The following SMTN variants were observed in gnomAD, a reference collection of about 807,000 sequenced individuals.
The protein encoded by SMTN is smoothelin.
Under a neutral mutation model 102.0 loss-of-function variants are expected in SMTN, and 58 were observed. That is an observed-to-expected ratio of 0.57 (90% CI 0.46 to 0.71). The LOEUF is 0.71. SMTN is among the 30% of genes least tolerant of loss of function. The probability of loss-of-function intolerance (pLI) is 0.00; values close to 1 mark genes in which losing one functional copy is unlikely to be tolerated. For missense variants in SMTN, 1,185 were observed against 1,241.7 expected (o/e 0.95, Z 0.69); for synonymous variants, 478 against 497.9 (o/e 0.96, Z 0.53).
chr22:31,093,821 C>G, intron 11 of SMTN: 1 of 1,592,552 alleles, frequency 6.3e-7, no homozygotes, highest in African/African-American at 1.3e-5. Flanking sequence ...GCCCACCCAC[C>G]TGCCTTCAGC....
rs2043471660 is a variant in SMTN, at chr22:31,095,154, T to C, written c.1633-149T>C. Reference sequence around the variant, plus strand: ...GCCTCTTCCCTGACTGACGCTGACATGGCCATCTTTGGGCAGGCAGGCTGG... The same window carrying C: ...GCCTCTTCCCTGACTGACGCTGACACGGCCATCTTTGGGCAGGCAGGCTGG... On this transcript the variant is annotated intron_variant, in intron 11 of 20. Transcript: ENST00000333137. The surrounding 1 kb of genome is among the most constrained non-coding windows in gnomAD (Gnocchi z 4.1). The C allele has an allele frequency of 1.3e-6, 1 of 745,882 alleles. No individual in the cohort carries two copies. The highest frequency in any genetic ancestry group is 2.2e-6 in the Non-Finnish European group (1 of 460,112). The allele number at this position is 745,882 out of a possible 1,614,324, so 46.2% of individuals were successfully genotyped here. A position where few individuals can be genotyped will look rare whatever the true frequency, so the allele number is the denominator to read the frequency against.
chr22:31,076,622 C>T (rs2042136308), upstream of SMTN, among the ~76,000 whole-genome samples: 1 of 152,188 alleles, frequency 6.6e-6, no homozygotes, highest in Admixed American at 6.6e-5. Flanking sequence ...GTGCCAGGCC[C>T]TGAGGAGGAA....
Position 31,090,991 on chromosome 22 carries a change from C to A in SMTN, c.968C>A (p.Ser323Ter). The change falls in exon 10 of 21, where the codon TCA becomes TAA. Residue 323 changes from serine (S) to a stop codon, truncating the protein, a stop_gained. Coordinates refer to ENST00000333137, the MANE Select transcript of SMTN (RefSeq NM_134269.3). LOFTEE classifies it high-confidence loss of function. ...ACCCCCCTTGCCAGCGGACCTTCCT[C>A]ATTCCAGCGGGCTGGCTCTGTGCGG... Reference protein sequence around the residue: ...ESTPLASGPSSFQRAGSVRDR... With the variant: ...ESTPLASGPS 1 of 1,613,718 alleles carries A rather than the reference C, an allele frequency of 6.2e-7. No individual in the cohort carries two copies. Among genetic ancestry groups the A allele is most frequent in the Non-Finnish European group, 8.5e-7 (1 of 1,179,764 alleles).
rs1214265838 is a variant in SMTN, at chr22:31,096,668, T to C, written c.1862-65T>C. The C allele has an allele frequency of 5.5e-6, 8 of 1,466,668 alleles. No individual in the cohort carries two copies. The East Asian group carries it at 1.9e-4, about 34-fold the overall frequency. 90.9% of individuals were successfully genotyped at this position (1,466,668 alleles called of 1,614,324 possible). On this transcript the variant is annotated intron_variant, in intron 13 of 20. Transcript: ENST00000333137. ...CCCCGTCTTGTGTGCCCCATGCACC[T>C]GTGCATCTGTGCTGTGTGGGTGTTG... is the stretch of plus-strand genomic sequence containing the variant.
At chr22:31,099,978 C>T (rs934509145) in intron 19 of SMTN, 82 bp downstream of exon 19, 4 of 1,428,084 alleles carry the variant, frequency 2.8e-6, no homozygotes, top group Non-Finnish European at 3.8e-6. Flanking sequence ...CCCTGAGAAC[C>T]CCTGGAGCGG....
chr22:31,089,949 C>A lies in SMTN; in HGVS notation c.722C>A (p.Pro241His). The A allele has an allele frequency of 6.3e-7, 1 of 1,599,880 alleles. No homozygotes were observed. Among genetic ancestry groups the A allele is most frequent in the Non-Finnish European group, 8.5e-7 (1 of 1,173,122 alleles). The change falls in exon 7 of 21, where the codon CCC becomes CAC. Residue 241 changes from proline (P) to histidine (H), a missense_variant. Transcript: ENST00000333137. The part of the protein sequence containing the change: ...PGSPEPPPSP[P>H]KTTSPEPQES... Reference sequence around the variant, plus strand: ...AGCCCAGAGCCACCCCCCAGCCCACCCAAGACCACCAGCCCTGAGCCTCAG... The same window carrying A: ...AGCCCAGAGCCACCCCCCAGCCCACACAAGACCACCAGCCCTGAGCCTCAG...
Position 31,089,514 on chromosome 22 carries a change from T to C in SMTN, c.472-185T>C, listed in dbSNP as rs1254395011. The C allele has an allele frequency of 2.3e-5, 14 of 612,824 alleles. No homozygotes were observed. In the East Asian group the frequency reaches 3.5e-4, roughly 16 times the overall value. The allele number at this position is 612,824 out of a possible 1,614,324, so 38.0% of individuals were successfully genotyped here. On this transcript the variant is annotated intron_variant, in intron 6 of 20. Transcript: ENST00000333137. ...TAGGTAGTGCCAAGAGATTGGGAAG[T>C]GGGGATCAGAGACTGCCCTTAGCAT...
intron 9 of SMTN, 30 bp from the exon 10 acceptor site, chr22:31,090,931 A>G: frequency 6.2e-7 from 1 of 1,612,538 alleles, no homozygotes; most frequent in Non-Finnish European, 8.5e-7. Flanking sequence ...TGTCCCACCC[A>G]GTTGCTGACA....
chr22:31,090,337 C>T (rs1481918161), intron 8 of SMTN, among the ~76,000 whole-genome samples, 157 bp downstream of exon 8: 1 of 151,992 alleles, frequency 6.6e-6, no homozygotes, highest in Admixed American at 6.5e-5. Flanking sequence ...GTGTCCCCGC[C>T]CCCAGCTAGG....
At chr22:31,089,642 T>G (rs1347305432) in intron 6 of SMTN, 57 bp from the exon 7 acceptor site, 2 of 1,503,682 alleles carry the variant, frequency 1.3e-6, no homozygotes, top group East Asian at 4.5e-5. Context: ...CCCTCAGTGG[T>G]GGGGGTGGCG....
upstream of SMTN, among the ~76,000 whole-genome samples, chr22:31,077,145 C>T (rs1413927210): frequency 3.3e-5 from 5 of 152,158 alleles, no homozygotes; most frequent in East Asian, 1.9e-4. Flanking sequence ...CAGTGGCTCA[C>T]GCCTGTAATC....
chr22:31,085,512 CAG>C (rs957862371), intron 2 of SMTN, among the ~76,000 whole-genome samples: 2 of 152,214 alleles, frequency 1.3e-5, no homozygotes, highest in Non-Finnish European at 2.9e-5. Context: ...ACAGCGAGGG[CAG>C]AGAGTACACG....
chr22:31,088,563 G>A lies in SMTN; in HGVS notation c.251G>A (p.Gly84Glu). The part of the protein sequence containing the change: ...EQRAALARLA[G>E]QLESMNDVEE... ...CGGGCTGCCCTGGCACGGCTGGCAG[G>A]GCAGCTGGAGTCCATGAACGATGTG... is the stretch of plus-strand genomic sequence containing the variant. Residue 84 changes from glycine (G) to glutamate (E), a missense_variant, in exon 4 of 21, where the codon GGG (glycine) becomes GAG (glutamate). By Grantham distance (98) the Gly-to-Glu change is moderately conservative. This residue lies in a region of SMTN where 1,096 missense variants were observed against 1,112.7 expected (regional missense o/e 0.98). Transcript: ENST00000333137. The A allele has an allele frequency of 1.2e-6, 2 of 1,613,756 alleles. No homozygotes were observed. Among genetic ancestry groups the A allele is most frequent in the East Asian group, 2.2e-5 (1 of 44,882 alleles).
chr22:31,075,703 A>G (rs775178213), intron 1 of SMTN, among the ~76,000 whole-genome samples: 48 of 151,268 alleles, frequency 3.2e-4, no homozygotes, highest in South Asian at 6.2e-4. Context: ...AAAAAGGAAT[A>G]GTCTTAGCCA....
upstream of SMTN, among the ~76,000 whole-genome samples, chr22:31,081,038 C>T (rs1223165903): frequency 1.3e-5 from 2 of 152,216 alleles, no homozygotes; most frequent in East Asian, 1.9e-4. Context: ...GGAAACTTAC[C>T]TCGGCTCGGG....
At position 31,091,022 on chromosome 22, in the gene SMTN, TGTCCACAA is replaced by T; in HGVS notation, c.1002_1009del (p.Lys336IlefsTer2). On this transcript the variant is annotated frameshift_variant, in exon 10 of 21. Transcript: ENST00000333137. LOFTEE classifies it high-confidence loss of function. ...AGCGGGCTGGCTCTGTGCGGGATCG[TGTCCACAA>T]GTTCACATCTGATTCTCCTATGGCT... 6.2e-7 allele frequency: 1 copy of T among 1,614,018 alleles called. No individual in the cohort carries two copies. Among genetic ancestry groups the T allele is most frequent in the Non-Finnish European group, 8.5e-7 (1 of 1,179,978 alleles).
upstream of SMTN, among the ~76,000 whole-genome samples, chr22:31,077,493 G>T (rs1417569813): frequency 1.3e-5 from 2 of 152,140 alleles, no homozygotes; most frequent in African/African-American, 4.8e-5. Context: ...GAAGGTCATA[G>T]TGGTAACAAA....
At chr22:31,099,687 G>T in intron 18 of SMTN, 58 bp from the exon 19 acceptor site, 2 of 1,586,598 alleles carry the variant, frequency 1.3e-6, no homozygotes, top group Non-Finnish European at 8.6e-7. Flanking sequence ...ATGCTGAGGG[G>T]TAGACAGCAG....
In SMTN at chr22:31,099,906, G is replaced by A; in HGVS notation, c.2603+10G>A. 6.2e-7 allele frequency: 1 copy of A among 1,612,532 alleles called. No homozygotes were observed. The highest frequency in any genetic ancestry group is 8.5e-7 in the Non-Finnish European group (1 of 1,178,934). On this transcript the variant is annotated intron_variant, in intron 19 of 20. Transcript: ENST00000333137. ...CCTTCTCATCTGCGGAGTAAGTGTG[G>A]GCCCTGGCCCTGCTAATGTTGCTGC...
Sources: allele counts gnomAD v4.1 joint callset (sites outside exome capture counted in the v4.1 genomes callset), GRCh38; gene constraint gnomAD v4.1.1; regional missense constraint gnomAD v4.1.1; non-coding constraint Gnocchi (gnomAD v3.1); transcripts MANE v1.5; gene names NCBI Gene and HGNC (gene_info 2026-07-23, HGNC 2026-07-21).